C18orf54: variants seen among roughly 807,000 people sequenced by gnomAD.
C18orf54 encodes chromosome 18 open reading frame 54.
A neutral mutation model predicts 49.3 loss-of-function variants in C18orf54; 49 were observed. The observed-to-expected ratio is 0.99, with a 90% CI of 0.79 to 1.26. The LOEUF is 1.26. Ranked by LOEUF, C18orf54 falls within the 50% of genes most tolerant of loss-of-function variation. The pLI is 0.00. For synonymous variants in C18orf54, 211 were observed against 216.6 expected (o/e 0.97, Z 0.23); for missense variants, 687 against 620.6 (o/e 1.11, Z -1.14).
Position 54,362,882 on chromosome 18 carries a change from T to G in C18orf54, c.1184T>G (p.Leu395Arg). 6.2e-7 allele frequency: 1 copy of G among 1,611,716 alleles called. No homozygotes were observed. The highest frequency in any genetic ancestry group is 2.2e-5 in the East Asian group (1 of 44,710). Residue 395 changes from leucine to arginine, a missense_variant, in exon 5 of 9, where the codon CTT becomes CGT. Coordinates refer to ENST00000620105, the MANE Select transcript of C18orf54 (RefSeq NM_001288980.2). Reference protein sequence around the residue: ...KDDSPCSLDKLEADRSWENIP... With the variant: ...KDDSPCSLDKREADRSWENIP... The stretch of plus-strand genomic sequence containing the variant: ...GACAGTCCTTGCTCATTAGATAAAC[T>G]TGAAGCAGACAGATCATGGGAAAAT...
At chr18:54,362,985 G>T in intron 5 of C18orf54, 64 bp downstream of exon 5, 1 of 1,444,226 alleles carries the variant, frequency 6.9e-7, no homozygotes, top group South Asian at 1.3e-5. Context: ...GCGAATATCT[G>T]ATTTATATTT....
chr18:54,378,054 ATTTAC>A, intron 8 of C18orf54, 115 bp from the exon 9 acceptor site: 1 of 549,022 alleles, frequency 1.8e-6, no homozygotes, highest in East Asian at 3.2e-5. Context: ...GTTTATATAA[ATTTAC>A]TTCTCATACC....
In C18orf54 at chr18:54,381,730, G is replaced by C. The variant is rs2089677179; in HGVS notation, c.*3484G>C. The C allele has an allele frequency of 1.3e-5, 2 of 152,122 alleles. No homozygotes were observed. The highest frequency in any genetic ancestry group is 4.2e-4 in the South Asian group (2 of 4,812). The allele number at this position is 152,122 out of a possible 1,614,324, so 9.4% of individuals were successfully genotyped here. ...AACATTCTAACTATCCACCAAACTGGTAAGTTGGCTTTTCTTTTTCCTCCC... is the reference window on the plus strand; with the variant it reads ...AACATTCTAACTATCCACCAAACTGCTAAGTTGGCTTTTCTTTTTCCTCCC... On this transcript the variant is annotated 3_prime_UTR_variant, in exon 9 of 9. Coordinates refer to ENST00000620105, the MANE Select transcript of C18orf54 (RefSeq NM_001288980.2).
At chr18:54,364,762 CAA>C (rs1032798664) in intron 5 of C18orf54, among the ~76,000 whole-genome samples, 3 of 151,726 alleles carry the variant, frequency 2.0e-5, no homozygotes, top group African/African-American at 7.3e-5. Context: ...AAAGTGTTAG[CAA>C]AGAATAGGGG....
intron 2 of C18orf54, 70 bp from the exon 3 acceptor site, chr18:54,360,457 A>G: frequency 1.1e-6 from 1 of 921,674 alleles, no homozygotes; most frequent in Non-Finnish European, 1.6e-6. Context: ...AAAGGTTTAC[A>G]TATTTAGTAA....
chr18:54,365,925 ATCT>A (rs1333846946), intron 6 of C18orf54, 104 bp downstream of exon 6: 14 of 464,286 alleles, frequency 3.0e-5, no homozygotes, highest in Non-Finnish European at 5.1e-5. Context: ...AAAGACTCAA[ATCT>A]TCTCCTCTCA....
Position 54,376,821 on chromosome 18 carries a change from A to G in C18orf54, c.1530-1353A>G, listed in dbSNP as rs146441538. Among the ~76,000 whole-genome samples the G allele has an allele frequency of 7.3e-3, 1,118 of 152,284 alleles. 5 individuals are homozygous for G. The highest frequency in any genetic ancestry group is 0.011 in the Non-Finnish European group (749 of 68,016). ...AGAAGTGTATAGTACAGGGAAATAG[A>G]TATACATGCAGTAAATAATGCTACT... On this transcript the variant is annotated intron_variant, in intron 8 of 8. Transcript: ENST00000620105.
chr18:54,359,559 A>C (rs1046653987), intron 2 of C18orf54, among the ~76,000 whole-genome samples: 2 of 152,364 alleles, frequency 1.3e-5, no homozygotes, highest in African/African-American at 4.8e-5. Context: ...TTACATTAAA[A>C]GTTGTTATAA....
Position 54,362,089 on chromosome 18 carries a change from C to T in C18orf54, c.730C>T (p.Gln244Ter). ...EKNYPRWLTS[Q>*]KSDLNVSGIT... The stretch of plus-strand genomic sequence containing the variant: ...GAATTACCCAAGATGGCTCACTAGC[C>T]AGAAATCTGACCTTAATGTTTCAGG... The change falls in exon 4 of 9, where the codon CAG (glutamine) becomes TAG (stop). Residue 244 changes from glutamine (Q) to a stop codon, truncating the protein, a stop_gained. Coordinates refer to ENST00000620105, the MANE Select transcript of C18orf54 (RefSeq NM_001288980.2). LOFTEE classifies it high-confidence loss of function. 1 of 1,540,996 alleles carries T rather than the reference C, an allele frequency of 6.5e-7. No homozygotes were observed. The highest frequency in any genetic ancestry group is 8.7e-7 in the Non-Finnish European group (1 of 1,147,486).
chr18:54,377,140 C>A (rs907470339), intron 8 of C18orf54, among the ~76,000 whole-genome samples: 1 of 152,094 alleles, frequency 6.6e-6, no homozygotes, highest in African/African-American at 2.4e-5. Flanking sequence ...GCAAGCGATT[C>A]TCCTGCCTCA....
intron 1 of C18orf54, 196 bp from the exon 2 acceptor site, chr18:54,358,578 G>A (rs149428152): frequency 1.3e-5 from 2 of 152,292 alleles, no homozygotes; most frequent in Non-Finnish European, 2.9e-5. Flanking sequence ...CCGGGGTAGG[G>A]GAACGATGCG....
intron 5 of C18orf54, among the ~76,000 whole-genome samples, chr18:54,363,313 T>C (rs181807910): frequency 2.6e-5 from 4 of 152,174 alleles, no homozygotes; most frequent in Admixed American, 1.3e-4. Context: ...GTACATTTCT[T>C]TTTCTTTTCT....
Position 54,361,835 on chromosome 18 carries a change from T to A in C18orf54, c.476T>A (p.Leu159Gln). ...SKKNKKCRGRLGSLDIEKNPH... is the reference protein window; with the variant it reads ...SKKNKKCRGRQGSLDIEKNPH... Reference sequence around the variant, plus strand: ...AAAAACAAGAAATGCCGTGGAAGACTGGGTTCATTGGACATTGAGAAGAAT... The same window carrying A: ...AAAAACAAGAAATGCCGTGGAAGACAGGGTTCATTGGACATTGAGAAGAAT... Residue 159 changes from leucine (L) to glutamine (Q), a missense_variant, in exon 4 of 9, where the codon CTG becomes CAG. By Grantham distance (113) the Leu-to-Gln change is moderately radical (BLOSUM62 -2). Transcript: ENST00000620105. The A allele has an allele frequency of 1.2e-6, 2 of 1,614,092 alleles. No individual in the cohort carries two copies. The highest frequency in any genetic ancestry group is 1.7e-6 in the Non-Finnish European group (2 of 1,179,982).
chr18:54,380,086 CA>C lies in C18orf54; in HGVS notation c.*1844del, dbSNP rs2089641130. 6.6e-6 allele frequency: 1 copy of C among 151,898 alleles called. No individual in the cohort carries two copies. The highest frequency in any genetic ancestry group is 1.5e-5 in the Non-Finnish European group (1 of 67,902). The allele number at this position is 151,898 out of a possible 1,614,324, so 9.4% of individuals were successfully genotyped here. On this transcript the variant is annotated 3_prime_UTR_variant, in exon 9 of 9. Coordinates refer to ENST00000620105, the MANE Select transcript of C18orf54 (RefSeq NM_001288980.2). ...TACATAACAAAGGAATTAATTTTAG[CA>C]AAATGATTCATTCCAACCTTCTTAT...
At chr18:54,365,657 C>G (rs1166998370) in intron 5 of C18orf54, 62 bp from the exon 6 acceptor site, 1 of 904,160 alleles carries the variant, frequency 1.1e-6, no homozygotes, top group Admixed American at 1.9e-5. Flanking sequence ...AAATTATATA[C>G]TGTTTACTTT....
At chr18:54,374,851 GA>G (rs2089543975) in intron 8 of C18orf54, among the ~76,000 whole-genome samples, 1 of 151,858 alleles carries the variant, frequency 6.6e-6, no homozygotes, top group Non-Finnish European at 1.5e-5. Context: ...TCAGAAGATG[GA>G]ATACTGAACT....
Position 54,361,815 on chromosome 18 carries a change from C to T in C18orf54, c.456C>T (p.Asn152=), listed in dbSNP as rs745446084. 1.9e-6 allele frequency: 3 copies of T among 1,614,006 alleles called. No homozygotes were observed. The highest frequency in any genetic ancestry group is 2.2e-5 in the South Asian group (2 of 91,066). The change falls in exon 4 of 9, where the codon AAC becomes AAT. Residue 152 remains asparagine, a synonymous_variant. Coordinates refer to ENST00000620105, the MANE Select transcript of C18orf54 (RefSeq NM_001288980.2). ...VGPSHRTSKK[N]KKCRGRLGSL... ...CGAGTCACCGAACGAGCAAGAAAAA[C>T]AAGAAATGCCGTGGAAGACTGGGTT...
At position 54,361,741 on chromosome 18, in the gene C18orf54, C is replaced by T; in HGVS notation, c.382C>T (p.Leu128=). 1 of 1,614,058 alleles carries T rather than the reference C, an allele frequency of 6.2e-7. No individual in the cohort carries two copies. Among genetic ancestry groups the T allele is most frequent in the Non-Finnish European group, 8.5e-7 (1 of 1,179,936 alleles). The change falls in exon 4 of 9, where the codon CTA becomes TTA. Residue 128 remains leucine (L), a synonymous_variant. Coordinates refer to ENST00000620105, the MANE Select transcript of C18orf54 (RefSeq NM_001288980.2). ...IDSMSLTTDD[L]LRLPADGSFS... ...CTCCATGAGCCTAACAACTGATGAT[C>T]TATTAAGACTCCCAGCAGATGGATC...
Position 54,361,976 on chromosome 18 carries a change from A to G in C18orf54, c.617A>G (p.Asn206Ser). Residue 206 changes from asparagine to serine, a missense_variant, in exon 4 of 9, where the codon AAT (asparagine) becomes AGT (serine). By Grantham distance (46) the Asn-to-Ser change is conservative (BLOSUM62 1). Coordinates refer to ENST00000620105, the MANE Select transcript of C18orf54 (RefSeq NM_001288980.2). The part of the protein sequence containing the change: ...CGRLKNPKLM[N>S]RTNNCISESS... ...AGGCTGAAAAACCCAAAACTTATGA[A>G]TAGGACTAATAATTGCATTTCTGAA... is the stretch of plus-strand genomic sequence containing the variant. 6.2e-7 allele frequency: 1 copy of G among 1,613,808 alleles called. No individual in the cohort carries two copies. The highest frequency in any genetic ancestry group is 8.5e-7 in the Non-Finnish European group (1 of 1,179,892).
Sources: gnomAD v4.1 joint callset for allele counts (sites outside exome capture counted in the v4.1 genomes callset) on GRCh38, gnomAD v4.1.1 for gene constraint, MANE v1.5 for transcripts, NCBI Gene and HGNC (gene_info 2026-07-23, HGNC 2026-07-21) for gene names.